PLCXD2: variants seen among roughly 807,000 people sequenced by gnomAD.
PLCXD2 encodes phosphatidylinositol specific phospholipase C X domain containing 2.
In PLCXD2, 21 loss-of-function variants were observed where a neutral mutation model predicts 28.6. The ratio of observed to expected loss-of-function variants is 0.73; its 90% confidence interval spans 0.52 to 1.06. PLCXD2 has a LOEUF of 1.06. Ranked by LOEUF, PLCXD2 falls within the 50% of genes least tolerant of loss-of-function variation. The pLI, the probability that PLCXD2 is intolerant of heterozygous loss-of-function variation, is 0.00. For synonymous variants in PLCXD2, 140 were observed against 150.1 expected (o/e 0.93, Z 0.49); for missense variants, 369 against 376.7 (o/e 0.98, Z 0.17).
chr3:111,704,286 T>G (rs1941086397), intron 1 of PLCXD2, among the ~76,000 whole-genome samples: 1 of 152,206 alleles, frequency 6.6e-6, no homozygotes, highest in Admixed American at 6.5e-5. Context: ...AAGCCAGCTG[T>G]GTGGAGTCCC....
intron 3 of PLCXD2, chr3:111,721,821 G>A (rs1222500945): frequency 2.0e-5 from 3 of 152,222 alleles, no homozygotes; most frequent in Admixed American, 2.0e-4. Flanking sequence ...CTAGGACTCA[G>A]GTCTGCACTG....
At chr3:111,698,810 G>C (rs1383410505) in intron 1 of PLCXD2, among the ~76,000 whole-genome samples, 1 of 152,118 alleles carries the variant, frequency 6.6e-6, no homozygotes, top group Non-Finnish European at 1.5e-5. Context: ...TCAGCCTTTT[G>C]TTCATAATCA....
intron 1 of PLCXD2, among the ~76,000 whole-genome samples, chr3:111,683,935 G>A (rs567541657): frequency 3.3e-5 from 5 of 152,206 alleles, no homozygotes; most frequent in East Asian, 3.9e-4. Context: ...TGAAGAGAGG[G>A]AATGGCCCAT....
rs190639403 is a variant in PLCXD2, at chr3:111,718,842, A to G, written c.866+4714A>G. ...AGTACACTTTATTGCTTTCTTCTCT[A>G]TGCTGCCTGTGGTAGTTTACACTTA... On this transcript the variant is annotated intron_variant, in intron 3 of 4. Transcript: ENST00000477665. Among the ~76,000 whole-genome samples, 6 of 152,324 alleles carry G rather than the reference A, an allele frequency of 3.9e-5. No homozygotes were observed. In the East Asian group the frequency reaches 5.8e-4, roughly 15 times the overall value.
At chr3:111,679,202 T>G (rs1940673896) in intron 1 of PLCXD2, among the ~76,000 whole-genome samples, 1 of 151,956 alleles carries the variant, frequency 6.6e-6, no homozygotes, top group Non-Finnish European at 1.5e-5. Context: ...GTTGAGAAAA[T>G]AGCATTTGAT....
intron 3 of PLCXD2, among the ~76,000 whole-genome samples, chr3:111,720,079 G>A (rs1464102067): frequency 6.6e-6 from 1 of 152,166 alleles, no homozygotes; most frequent in Admixed American, 6.5e-5. Context: ...ATAGTTAATG[G>A]TGGGATCTAG....
intron 3 of PLCXD2, among the ~76,000 whole-genome samples, chr3:111,715,795 T>C (rs1406169547): frequency 6.6e-6 from 1 of 152,162 alleles, no homozygotes; most frequent in African/African-American, 2.4e-5. Context: ...CTTTTCAGCG[T>C]TGGACACTGA....
chr3:111,683,310 T>TA, intron 1 of PLCXD2, among the ~76,000 whole-genome samples: 1 of 152,230 alleles, frequency 6.6e-6, no homozygotes, highest in Non-Finnish European at 1.5e-5. Flanking sequence ...CTGGTGTGGT[T>TA]AGAGCATGGA....
At chr3:111,700,883 C>T (rs16858436) in intron 1 of PLCXD2, among the ~76,000 whole-genome samples, 7,881 of 151,980 alleles carry the variant, frequency 0.052, 305 homozygotes, top group Admixed American at 0.11. Flanking sequence ...CAGGTTGCAG[C>T]GTGGCAGAAG....
At position 111,696,741 on chromosome 3, in the gene PLCXD2, C is replaced by T. The variant is rs191206517; in HGVS notation, c.164-11185C>T. On this transcript the variant is annotated intron_variant, in intron 1 of 4. Coordinates refer to ENST00000477665, the MANE Select transcript of PLCXD2 (RefSeq NM_001185106.1). ...AATATATGTTTTTAGCCCAAGCTTA[C>T]GATGGACCGACCAGATGATCTTAGT... Among the ~76,000 whole-genome samples, 468 of 152,258 alleles carry T rather than the reference C, an allele frequency of 3.1e-3. 5 individuals carry two copies. Among genetic ancestry groups the T allele is most frequent in the Non-Finnish European group, 4.7e-3 (320 of 68,022 alleles).
At chr3:111,679,390 T>C (rs1426986263) in intron 1 of PLCXD2, among the ~76,000 whole-genome samples, 1 of 152,234 alleles carries the variant, frequency 6.6e-6, no homozygotes, top group Non-Finnish European at 1.5e-5. Flanking sequence ...TTTGTCATAG[T>C]ACTTCTCAAC....
chr3:111,684,993 G>A (rs1447486672), intron 1 of PLCXD2, among the ~76,000 whole-genome samples: 1 of 152,124 alleles, frequency 6.6e-6, no homozygotes, highest in African/African-American at 2.4e-5. Flanking sequence ...CAGGAATATG[G>A]ATAAAGGAGA....
intron 3 of PLCXD2, among the ~76,000 whole-genome samples, chr3:111,714,824 A>G (rs1462861901): frequency 1.3e-5 from 2 of 150,210 alleles, no homozygotes; most frequent in Non-Finnish European, 2.9e-5. Flanking sequence ...GTACCTGTAC[A>G]TGTGTATGTG....
At chr3:111,693,022 G>A (rs1940910222) in intron 1 of PLCXD2, among the ~76,000 whole-genome samples, 1 of 152,162 alleles carries the variant, frequency 6.6e-6, no homozygotes, top group Admixed American at 6.5e-5. Flanking sequence ...TGGGAAAGAG[G>A]GAGGGGTAGA....
chr3:111,698,439 T>C (rs1213244546), intron 1 of PLCXD2, among the ~76,000 whole-genome samples: 2 of 152,246 alleles, frequency 1.3e-5, no homozygotes, highest in East Asian at 3.8e-4. Flanking sequence ...GGTAATTCAC[T>C]AAGTTAGGTG....
chr3:111,693,817 C>G (rs1042762857), intron 1 of PLCXD2, among the ~76,000 whole-genome samples: 4 of 152,162 alleles, frequency 2.6e-5, no homozygotes, highest in Non-Finnish European at 5.9e-5. Flanking sequence ...TCCTTCACCC[C>G]TTTGTGTGGT....
Position 111,708,251 on chromosome 3 carries a change from C to A in PLCXD2, c.489C>A (p.Asn163Lys). ...AGGAGATTATCTTCCTGGATTTCAACCACTTCTATGCCATGGATGAGACCC... is the reference window on the plus strand; with the variant it reads ...AGGAGATTATCTTCCTGGATTTCAAACACTTCTATGCCATGGATGAGACCC... Residue 163 changes from asparagine to lysine, a missense_variant, in exon 2 of 5, where the codon AAC (asparagine) becomes AAA (lysine). Asn to Lys is a moderately conservative substitution (Grantham distance 94). Coordinates refer to ENST00000477665, the MANE Select transcript of PLCXD2 (RefSeq NM_001185106.1). 1.2e-6 allele frequency: 2 copies of A among 1,614,114 alleles called. No homozygotes were observed. The highest frequency in any genetic ancestry group is 1.7e-6 in the Non-Finnish European group (2 of 1,180,006).
intron 1 of PLCXD2, among the ~76,000 whole-genome samples, chr3:111,676,096 C>T (rs901137604): frequency 3.9e-5 from 6 of 152,166 alleles, no homozygotes; most frequent in Admixed American, 2.0e-4. Flanking sequence ...GTCTCTCTGC[C>T]GGAGGTTTTA....
intron 1 of PLCXD2, among the ~76,000 whole-genome samples, chr3:111,694,655 G>T (rs1361742636): frequency 6.6e-6 from 1 of 152,158 alleles, no homozygotes; most frequent in African/African-American, 2.4e-5. Flanking sequence ...CATAGTCCTG[G>T]CAGAGCTGGC....
Sources: allele counts gnomAD v4.1 joint callset (sites outside exome capture counted in the v4.1 genomes callset), GRCh38; gene constraint gnomAD v4.1.1; transcripts MANE v1.5; gene names NCBI Gene and HGNC (gene_info 2026-07-23, HGNC 2026-07-21).